GRHL2: variants seen among roughly 807,000 people sequenced by gnomAD.
GRHL2 encodes the protein grainyhead-like protein 2 homolog.
In GRHL2, 21 loss-of-function variants were observed where a neutral mutation model predicts 83.8. That is an observed-to-expected ratio of 0.25 (90% CI 0.18 to 0.36). The LOEUF (loss-of-function observed/expected upper bound fraction) is 0.36. GRHL2 is among the 10% of genes least tolerant of loss of function. The probability of loss-of-function intolerance (pLI) is 1.00; values close to 1 mark genes in which losing one functional copy is unlikely to be tolerated. For missense variants in GRHL2, 623 were observed against 781.8 expected, an observed-to-expected ratio of 0.80 and a Z score of 2.42; for synonymous variants, 280 against 278.9, an observed-to-expected ratio of 1.00 and a Z score of -0.04.
chr8:101,633,946 A>G (rs1371751242), intron 11 of GRHL2, among the ~76,000 whole-genome samples: 1 of 152,198 alleles, frequency 6.6e-6, no homozygotes, highest in African/African-American at 2.4e-5. Flanking sequence ...TCCAAAATAT[A>G]CAAAGTGTAA....
At chr8:101,591,135 A>C (rs1812272598) in intron 7 of GRHL2, among the ~76,000 whole-genome samples, 1 of 152,126 alleles carries the variant, frequency 6.6e-6, no homozygotes, top group South Asian at 2.1e-4. Flanking sequence ...TGCAAAAGAT[A>C]AAAAATAAAA....
intron 1 of GRHL2, among the ~76,000 whole-genome samples, chr8:101,532,757 A>C (rs929695471): frequency 4.1e-5 from 6 of 147,242 alleles, no homozygotes; most frequent in East Asian, 2.0e-4. Context: ...CCATCTCACA[A>C]AAAAAAAAAA....
At chr8:101,616,087 TCTCTTTCTTTCTTCTTTCTTTCTTTCTTC>T (rs1812849681) in intron 8 of GRHL2, among the ~76,000 whole-genome samples, 1 of 145,798 alleles carries the variant, frequency 6.9e-6, no homozygotes, top group Non-Finnish European at 1.5e-5. Context: ...TCCCTCCCTT[TCTCTTTCTTTCTTCTTTCTTTCTTTCTTC>T]CTCTTTCTTT....
chr8:101,672,500 C>G (rs61398589), downstream of GRHL2, among the ~76,000 whole-genome samples: 2,275 of 151,474 alleles, frequency 0.015, 117 homozygotes, highest in African/African-American at 0.052. Context: ...GGGAAGTTTA[C>G]AGAAAAAAGA....
At chr8:101,656,887 C>T (rs1813801667) in intron 14 of GRHL2, among the ~76,000 whole-genome samples, 3 of 151,914 alleles carry the variant, frequency 2.0e-5, no homozygotes, top group Admixed American at 2.0e-4. Context: ...CACACACACA[C>T]ACACACACAC....
chr8:101,528,865 A>G (rs1247981505), intron 1 of GRHL2: 1 of 347,320 alleles, frequency 2.9e-6, no homozygotes, highest in South Asian at 2.6e-5. Context: ...ATCCAGGTTC[A>G]TGATAGGTTT....
At chr8:101,504,970 A>G (rs565121101) in intron 1 of GRHL2, among the ~76,000 whole-genome samples, 1 of 144,152 alleles carries the variant, frequency 6.9e-6, no homozygotes, top group East Asian at 2.2e-4. Context: ...CCAACATTGC[A>G]TTAGGAAAAA....
At chr8:101,583,313 T>C (rs1167529628) in intron 7 of GRHL2, among the ~76,000 whole-genome samples, 2 of 152,148 alleles carry the variant, frequency 1.3e-5, no homozygotes, top group East Asian at 3.8e-4. Context: ...ATTGAAGGCA[T>C]GAATTGCAAA....
rs1285229771 is a variant in GRHL2 at position 101,559,351 on chromosome 8, T to TGCA, written c.678+539_678+540insGCA. Among the ~76,000 whole-genome samples, 101 of 19,228 alleles carry TGCA rather than the reference T, an allele frequency of 5.3e-3. 3 individuals carry two copies. The highest frequency in any genetic ancestry group is 0.01 in the African/African-American group (95 of 9,110). The allele number at this position is 19,228 out of a possible 152,430, so 12.6% of individuals were successfully genotyped here. On this transcript the variant is annotated intron_variant, in intron 4 of 15. Transcript: ENST00000646743. ...GGTGAACTCCTGTCTCTACTAAAAATACAAAAAAAAAAAAAAAAAAAAAAA... is the reference window on the plus strand; with the variant it reads ...GGTGAACTCCTGTCTCTACTAAAAATGCAACAAAAAAAAAAAAAAAAAAAAAAA...
At chr8:101,541,418 T>C (rs1199538919) in intron 1 of GRHL2, among the ~76,000 whole-genome samples, 1 of 151,948 alleles carries the variant, frequency 6.6e-6, no homozygotes, top group Non-Finnish European at 1.5e-5. Context: ...ATAGAGATTG[T>C]ACTAATATAC....
intron 8 of GRHL2, among the ~76,000 whole-genome samples, chr8:101,599,738 G>T (rs1156685649): frequency 6.6e-6 from 1 of 152,192 alleles, no homozygotes; most frequent in Non-Finnish European, 1.5e-5. Flanking sequence ...AATCTGTGGC[G>T]AAGTGAGCCC....
At chr8:101,536,704 T>A (rs1233603789) in intron 1 of GRHL2, among the ~76,000 whole-genome samples, 3 of 152,200 alleles carry the variant, frequency 2.0e-5, no homozygotes, top group African/African-American at 7.2e-5. Flanking sequence ...GAGTGCCTGG[T>A]TGAGAACTGA....
At position 101,506,948 on chromosome 8, in the gene GRHL2, A is replaced by G. The variant is rs184823222; in HGVS notation, c.20+14159A>G. 1.1e-4 allele frequency among the ~76,000 whole-genome samples: 17 copies of G among 152,036 alleles called. 1 individual carries two copies. In the East Asian group the frequency reaches 3.3e-3, roughly 29 times the overall value. ...AGCTCTTGCTTTTACCCTGGCTACT[A>G]CCTATGATTGTGTTATGTTCTGGAG... On this transcript the variant is annotated intron_variant, in intron 1 of 15. Transcript: ENST00000646743.
chr8:101,644,090 C>A, intron 12 of GRHL2, 41 bp from the exon 13 acceptor site: 1 of 1,559,596 alleles, frequency 6.4e-7, no homozygotes, highest in South Asian at 1.1e-5. Flanking sequence ...GTTTTGACAC[C>A]TTGCTGGTTT....
chr8:101,529,004 G>A, intron 1 of GRHL2: 2 of 378,610 alleles, frequency 5.3e-6, no homozygotes, highest in South Asian at 2.1e-5. Flanking sequence ...CTCTCTCCCT[G>A]TGGTATTTCA....
chr8:101,508,292 T>G, intron 1 of GRHL2, among the ~76,000 whole-genome samples: 1 of 152,064 alleles, frequency 6.6e-6, no homozygotes, highest in East Asian at 1.9e-4. Context: ...ATTCCGTCTC[T>G]AACAATGCAT....
chr8:101,505,203 C>T (rs1810313242), intron 1 of GRHL2, among the ~76,000 whole-genome samples: 1 of 152,120 alleles, frequency 6.6e-6, no homozygotes, highest in Non-Finnish European at 1.5e-5. Context: ...CCATCCTTTT[C>T]TTCATATTGT....
At chr8:101,641,758 A>T (rs1346568594) in intron 12 of GRHL2, among the ~76,000 whole-genome samples, 1 of 152,162 alleles carries the variant, frequency 6.6e-6, no homozygotes, top group East Asian at 1.9e-4. Context: ...TTTGTGGTAC[A>T]TTTATCCCTC....
intron 8 of GRHL2, among the ~76,000 whole-genome samples, chr8:101,601,979 G>A (rs926496429): frequency 3.3e-5 from 5 of 151,948 alleles, no homozygotes; most frequent in Non-Finnish European, 7.4e-5. Flanking sequence ...CCTCCCCTAG[G>A]CCCCCACCCC....
Sources: gnomAD v4.1 joint callset for allele counts (sites outside exome capture counted in the v4.1 genomes callset) on GRCh38, gnomAD v4.1.1 for gene constraint, MANE v1.5 for transcripts, NCBI Gene and HGNC (gene_info 2026-07-23, HGNC 2026-07-21) for gene names.